The following TBATA variants were observed in gnomAD, a reference collection of about 807,000 sequenced individuals.
TBATA encodes protein TBATA.
TBATA carries 47 observed loss-of-function variants against 38.7 expected under a neutral mutation model. That is an observed-to-expected ratio of 1.21 (90% CI 0.96 to 1.55). The LOEUF (loss-of-function observed/expected upper bound fraction) is 1.55. TBATA is among the 40% of genes most tolerant of loss of function. The pLI is 0.00. For missense variants in TBATA, 436 were observed against 435.6 expected (o/e 1.00, Z -0.01); for synonymous variants, 183 against 170.5 (o/e 1.07, Z -0.57).
intron 3 of TBATA, chr10:70,782,756 G>T (rs1304027101): frequency 1.0e-5 from 6 of 573,140 alleles, no homozygotes; most frequent in Non-Finnish European, 1.3e-5. Flanking sequence ...TTGGAGGAAG[G>T]TCAAGATCAG....
chr10:70,783,020 A>G (rs1834970702), intron 3 of TBATA, among the ~76,000 whole-genome samples: 1 of 152,232 alleles, frequency 6.6e-6, no homozygotes, highest in Non-Finnish European at 1.5e-5. Context: ...ACCTTCTCTG[A>G]AAGTTGCAGT....
In TBATA at chr10:70,779,601, A is replaced by G. The variant is rs765278391; in HGVS notation, c.419T>C (p.Leu140Pro). Residue 140 changes from leucine to proline, a missense_variant, in exon 5 of 11, where the codon CTT becomes CCT. Transcript: ENST00000456372. ...GDPQSNRNPQ[L>P]SSEAWKKELK... ...ATGGCCCAAGTACCCACCAGAAGAAAGCTGGGGGTTCCGATTAGACTGTGG... is the reference window on the plus strand; with the variant it reads ...ATGGCCCAAGTACCCACCAGAAGAAGGCTGGGGGTTCCGATTAGACTGTGG... 12 of 1,499,092 alleles carry G rather than the reference A, an allele frequency of 8.0e-6. No individual in the cohort carries two copies. Among genetic ancestry groups the G allele is most frequent in the Non-Finnish European group, 9.7e-6 (11 of 1,129,932 alleles). 92.9% of individuals were successfully genotyped at this position (1,499,092 alleles called of 1,614,324 possible).
At chr10:70,776,465 G>A in intron 7 of TBATA, 1 of 452,070 alleles carries the variant, frequency 2.2e-6, no homozygotes, top group South Asian at 1.6e-5. Context: ...CACTTGGCAG[G>A]GCCTCGGCCT....
intron 8 of TBATA, 132 bp downstream of exon 8, chr10:70,775,057 G>A: frequency 1.4e-6 from 1 of 739,516 alleles, no homozygotes; most frequent in African/African-American, 1.7e-5. Context: ...GCTCCAAAGT[G>A]GAGGAGAGGC....
chr10:70,782,914 C>T (rs530260445), intron 3 of TBATA, among the ~76,000 whole-genome samples: 75 of 152,344 alleles, frequency 4.9e-4, no homozygotes, highest in Middle Eastern at 3.4e-3. Flanking sequence ...GTGCCGCCCC[C>T]GGACCCTCTG....
intron 2 of TBATA, among the ~76,000 whole-genome samples, chr10:70,784,087 C>A (rs1844595920): frequency 6.6e-6 from 1 of 152,058 alleles, no homozygotes; most frequent in African/African-American, 2.4e-5. Context: ...ACCACAAGTT[C>A]CAGAGGACCA....
Position 70,775,278 on chromosome 10 carries a change from CAGG to C in TBATA, c.694-11_694-9del, listed in dbSNP as rs796517216. 7.4e-6 allele frequency: 12 copies of C among 1,612,642 alleles called. No homozygotes were observed. In the African/African-American group the frequency reaches 1.6e-4, roughly 21 times the overall value. Reference sequence around the variant, plus strand: ...ACACAGGAGCTCCAGGACCTGTGGGCAGGAGGCCAGCACATTCCAGCCAGGAGT... The same window carrying C: ...ACACAGGAGCTCCAGGACCTGTGGGCAGGCCAGCACATTCCAGCCAGGAGT... On this transcript the variant is annotated splice_polypyrimidine_tract_variant and intron_variant, in intron 7 of 10. Coordinates refer to ENST00000456372, the MANE Select transcript of TBATA (RefSeq NM_001318241.2).
chr10:70,778,844 TG>T, intron 5 of TBATA: 1 of 613,224 alleles, frequency 1.6e-6, no homozygotes, highest in Non-Finnish European at 3.0e-6. Context: ...GGTGCGGGGG[TG>T]GGGCATTGCT....
rs1399393406 is a variant in TBATA at position 70,784,780 on chromosome 10, G to A, written c.-273-7C>T. The A allele has an allele frequency of 6.6e-6, 1 of 152,136 alleles. No individual in the cohort carries two copies. The highest frequency in any genetic ancestry group is 1.5e-5 in the Non-Finnish European group (1 of 68,026). The allele number at this position is 152,136 out of a possible 1,614,324, so 9.4% of individuals were successfully genotyped here. On this transcript the variant is annotated splice_polypyrimidine_tract_variant and splice_region_variant and intron_variant, in intron 1 of 10. Coordinates refer to ENST00000456372, the MANE Select transcript of TBATA (RefSeq NM_001318241.2). ...AAGCCCCAAATCCTCCTGCCTATGG[G>A]AAAAAGTACTCTTTAGAACAGAGAC... is the stretch of plus-strand genomic sequence containing the variant.
intron 10 of TBATA, 133 bp downstream of exon 10, chr10:70,772,381 A>G: frequency 1.1e-6 from 1 of 869,880 alleles, no homozygotes; most frequent in Non-Finnish European, 2.0e-6. Flanking sequence ...AATATGAATA[A>G]GTGAATGAAT....
intron 4 of TBATA, among the ~76,000 whole-genome samples, chr10:70,780,812 T>C (rs1158493674): frequency 6.6e-6 from 1 of 152,098 alleles, no homozygotes; most frequent in Non-Finnish European, 1.5e-5. Flanking sequence ...ACTCTTCTCT[T>C]CCTCTCACAC....
At chr10:70,776,237 T>C (rs980178460) in intron 7 of TBATA, 6 of 417,976 alleles carry the variant, frequency 1.4e-5, no homozygotes, top group African/African-American at 4.0e-5. Flanking sequence ...TGCTTAGGGG[T>C]CCACCCTCGT....
At position 70,783,446 on chromosome 10, in the gene TBATA, C is replaced by T; in HGVS notation, c.-67G>A. ...TAGCGTTGAGGATGCAGAACAGGAA[C>T]TCTCACTTAATACTAGTGTTGAGGA... On this transcript the variant is annotated 5_prime_UTR_variant, in exon 3 of 11. Coordinates refer to ENST00000456372, the MANE Select transcript of TBATA (RefSeq NM_001318241.2). 1.3e-6 allele frequency: 2 copies of T among 1,570,014 alleles called. No homozygotes were observed. Among genetic ancestry groups the T allele is most frequent in the South Asian group, 1.1e-5 (1 of 89,920 alleles).
intron 2 of TBATA, 26 bp from the exon 3 acceptor site, chr10:70,783,551 T>G (rs1418187967): frequency 3.0e-6 from 2 of 675,454 alleles, no homozygotes; most frequent in East Asian, 5.7e-5. Flanking sequence ...TGGTAATATC[T>G]TTTAAAATTG....
Position 70,783,285 on chromosome 10 carries a change from C to T in TBATA, c.41+54G>A, listed in dbSNP as rs1844485719. The T allele has an allele frequency of 4.4e-6, 7 of 1,606,262 alleles. No homozygotes were observed. In the African/African-American group the frequency reaches 5.3e-5, roughly 12 times the overall value. On this transcript the variant is annotated intron_variant, in intron 3 of 10. Coordinates refer to ENST00000456372, the MANE Select transcript of TBATA (RefSeq NM_001318241.2). ...CCCCAAGGCCACCTTTGTCTTCTACCCTGCCCTACCCCAAGCCCTCCTCAG... is the reference window on the plus strand; with the variant it reads ...CCCCAAGGCCACCTTTGTCTTCTACTCTGCCCTACCCCAAGCCCTCCTCAG...
intron 8 of TBATA, among the ~76,000 whole-genome samples, chr10:70,774,595 C>T (rs1192531031): frequency 6.6e-6 from 1 of 152,182 alleles, no homozygotes; most frequent in Non-Finnish European, 1.5e-5. Flanking sequence ...TTGGCCCCAG[C>T]TGGCCCTCCT....
chr10:70,784,084 G>C (rs551700164), intron 2 of TBATA, among the ~76,000 whole-genome samples: 2 of 152,188 alleles, frequency 1.3e-5, no homozygotes, highest in South Asian at 4.1e-4. Flanking sequence ...AGGACCACAA[G>C]TTCCAGAGGA....
At chr10:70,774,802 G>GTATACACATGAGTAGCCT (rs1280398726) in intron 8 of TBATA, among the ~76,000 whole-genome samples, 2 of 152,190 alleles carry the variant, frequency 1.3e-5, no homozygotes, top group Admixed American at 6.5e-5. Context: ...GTGTTCATGT[G>GTATACACATGAGTAGCCT]TATACACATG....
In TBATA at chr10:70,779,873, T is replaced by C; in HGVS notation, c.278-131A>G. 3.0e-6 allele frequency: 3 copies of C among 988,806 alleles called. No individual in the cohort carries two copies. The South Asian group carries it at 6.0e-5, about 20-fold the overall frequency. The allele number at this position is 988,806 out of a possible 1,614,324, so 61.3% of individuals were successfully genotyped here. A position where few individuals can be genotyped will look rare whatever the true frequency, so the allele number is the denominator to read the frequency against. On this transcript the variant is annotated intron_variant, in intron 4 of 10. Transcript: ENST00000456372. ...CCAGTAACCACCAGCTGATAGATTA[T>C]CAGAGCTGGGAGGGCATTGTAACCA...
Sources: allele counts gnomAD v4.1 joint callset (sites outside exome capture counted in the v4.1 genomes callset), GRCh38; gene constraint gnomAD v4.1.1; transcripts MANE v1.5; gene names NCBI Gene and HGNC (gene_info 2026-07-23, HGNC 2026-07-21).